The following FAM135B variants were observed in gnomAD, a reference collection of about 807,000 sequenced individuals.
FAM135B encodes protein FAM135B.
A neutral mutation model predicts 127.7 loss-of-function variants in FAM135B; 43 were observed. The ratio of observed to expected loss-of-function variants is 0.34; its 90% CI spans 0.26 to 0.43. The LOEUF (loss-of-function observed/expected upper bound fraction) is 0.43. Among genes scored for constraint, FAM135B ranks in the 20% least tolerant of loss-of-function variants. The probability of loss-of-function intolerance (pLI) is 1.00; values close to 1 mark genes in which losing one functional copy is unlikely to be tolerated. For synonymous variants in FAM135B, 670 were observed against 665.1 expected (o/e 1.01, Z -0.11); for missense variants, 1,558 against 1,725.6 (o/e 0.90, Z 1.72).
At chr8:138,368,377 C>T (rs974635452) in intron 1 of FAM135B, among the ~76,000 whole-genome samples, 1 of 152,160 alleles carries the variant, frequency 6.6e-6, no homozygotes, top group African/African-American at 2.4e-5. Flanking sequence ...TGACCTTGAG[C>T]AAGTCACTTA....
intron 1 of FAM135B, among the ~76,000 whole-genome samples, chr8:138,455,295 G>T (rs1836713542): frequency 6.6e-6 from 1 of 152,142 alleles, no homozygotes. Flanking sequence ...AAACTGCATT[G>T]GGACCTTGGG....
chr8:138,349,420 G>A (rs1829635767), intron 2 of FAM135B, among the ~76,000 whole-genome samples: 2 of 152,310 alleles, frequency 1.3e-5, no homozygotes, highest in South Asian at 4.1e-4. Flanking sequence ...GTTTACTCAT[G>A]TGTAAAACAG....
At chr8:138,232,688 G>C (rs1009204030) in intron 7 of FAM135B, among the ~76,000 whole-genome samples, 2 of 152,050 alleles carry the variant, frequency 1.3e-5, no homozygotes, top group African/African-American at 4.8e-5. Flanking sequence ...AATAGTAAAA[G>C]TTATGAAGTA....
intron 12 of FAM135B, among the ~76,000 whole-genome samples, chr8:138,164,069 T>C (rs537053245): frequency 1.3e-5 from 2 of 152,318 alleles, no homozygotes; most frequent in African/African-American, 4.8e-5. Flanking sequence ...TGGAATATAA[T>C]TGTATCTGAT....
intron 2 of FAM135B, among the ~76,000 whole-genome samples, chr8:138,318,097 C>T (rs535345830): frequency 4.6e-5 from 7 of 152,306 alleles, no homozygotes; most frequent in Non-Finnish European, 7.4e-5. Context: ...CAATTAGCAG[C>T]GGCAGCCATG....
At chr8:138,406,110 T>C (rs1000804082) in intron 1 of FAM135B, among the ~76,000 whole-genome samples, 24 of 148,132 alleles carry the variant, frequency 1.6e-4, no homozygotes, top group African/African-American at 5.7e-4. Flanking sequence ...AGATTCTGGA[T>C]ATCAGCCCTT....
intron 1 of FAM135B, chr8:138,441,073 T>G (rs182095298): frequency 7.2e-5 from 11 of 152,294 alleles, no homozygotes; most frequent in Admixed American, 7.2e-4. Flanking sequence ...GTGGAGGAAG[T>G]GCTCACTCTA....
At chr8:138,162,256 T>G (rs1195521278) in intron 12 of FAM135B, among the ~76,000 whole-genome samples, 2 of 152,074 alleles carry the variant, frequency 1.3e-5, no homozygotes, top group Admixed American at 6.6e-5. Context: ...CCTATGAAGA[T>G]AGTAAAAACA....
intron 4 of FAM135B, 148 bp from the exon 5 acceptor site, chr8:138,256,907 T>C (rs1414183505): frequency 4.5e-6 from 3 of 671,154 alleles, no homozygotes; most frequent in Non-Finnish European, 8.1e-6. Context: ...CCATGCATGT[T>C]TCATGGAGTT....
chr8:138,489,827 C>T (rs1815131962), intron 1 of FAM135B, among the ~76,000 whole-genome samples: 1 of 152,296 alleles, frequency 6.6e-6, no homozygotes, highest in East Asian at 1.9e-4. Flanking sequence ...GACTCCTTAT[C>T]CCACGTTTAT....
At chr8:138,271,325 C>G (rs73439035) in intron 3 of FAM135B, among the ~76,000 whole-genome samples, 2 of 152,056 alleles carry the variant, frequency 1.3e-5, no homozygotes, top group Admixed American at 6.5e-5. Context: ...CTTAAAGTAC[C>G]CTGCTGCACA....
chr8:138,411,487 A>C (rs1405070494), intron 1 of FAM135B, among the ~76,000 whole-genome samples: 1 of 152,164 alleles, frequency 6.6e-6, no homozygotes, highest in Non-Finnish European at 1.5e-5. Context: ...AAATCAATTC[A>C]AGATGGATTA....
intron 1 of FAM135B, among the ~76,000 whole-genome samples, chr8:138,485,184 C>T (rs1217419789): frequency 6.6e-6 from 1 of 152,162 alleles, no homozygotes; most frequent in East Asian, 1.9e-4. Flanking sequence ...AGTTTACAGA[C>T]TGTAATTTCG....
At chr8:138,254,488 G>C (rs1387935090) in intron 5 of FAM135B, among the ~76,000 whole-genome samples, 8 of 152,184 alleles carry the variant, frequency 5.3e-5, no homozygotes, top group African/African-American at 1.4e-4. Flanking sequence ...GGCGGGGTGG[G>C]TTAATGGAGG....
chr8:138,226,650 C>T (rs893519312), intron 7 of FAM135B, among the ~76,000 whole-genome samples: 1 of 152,170 alleles, frequency 6.6e-6, no homozygotes, highest in Non-Finnish European at 1.5e-5. Context: ...CAACCACCAC[C>T]TCCCAGGTTC....
chr8:138,217,790 G>A (rs1818688240), intron 7 of FAM135B, among the ~76,000 whole-genome samples: 1 of 152,128 alleles, frequency 6.6e-6, no homozygotes, highest in African/African-American at 2.4e-5. Context: ...AGGCGCTGAG[G>A]ATGTATCAGT....
At position 138,463,797 on chromosome 8, in the gene FAM135B, C is replaced by A. The variant is rs573705277; in HGVS notation, c.-20+32874G>T. Among the ~76,000 whole-genome samples the A allele has an allele frequency of 3.3e-5, 5 of 152,158 alleles. No individual in the cohort carries two copies. The East Asian group carries it at 9.7e-4, about 30-fold the overall frequency. ...GAAGGAGGAGGCTTGAACTTGACCC[C>A]TGAGCAATCCTGAGGAGAAGGGTCG... On this transcript the variant is annotated intron_variant, in intron 1 of 19. Transcript: ENST00000395297.
chr8:138,279,655 G>C (rs1036171108), intron 3 of FAM135B, among the ~76,000 whole-genome samples: 11 of 152,114 alleles, frequency 7.2e-5, no homozygotes, highest in African/African-American at 2.7e-4. Flanking sequence ...GATGCCCATC[G>C]TTATTATTAA....
At chr8:138,296,913 G>A (rs1306925209) in intron 3 of FAM135B, among the ~76,000 whole-genome samples, 15 of 152,084 alleles carry the variant, frequency 9.9e-5, no homozygotes, top group Admixed American at 9.8e-4. Context: ...CCTTCCTCAT[G>A]AATACTAAAG....
Sources: allele counts gnomAD v4.1 joint callset (sites outside exome capture counted in the v4.1 genomes callset), GRCh38; gene constraint gnomAD v4.1.1; transcripts MANE v1.5; gene names NCBI Gene and HGNC (gene_info 2026-07-23, HGNC 2026-07-21).